MSANTD2: variants seen among roughly 807,000 people sequenced by gnomAD.
MSANTD2 encodes myb/SANT-like DNA-binding domain-containing protein 2.
MSANTD2 carries 19 observed loss-of-function variants against 52.6 expected under a neutral mutation model. The observed-to-expected ratio is 0.36, with a 90% CI of 0.25 to 0.53. MSANTD2 has a LOEUF of 0.53. MSANTD2 is among the 20% of genes least tolerant of loss of function. The pLI is 0.91. For missense variants in MSANTD2, 558 were observed against 716.3 expected, an observed-to-expected ratio of 0.78 and a Z score of 2.52; for synonymous variants, 291 against 289.7, an observed-to-expected ratio of 1.00 and a Z score of -0.04.
intron 1 of MSANTD2, chr11:124,784,578 A>T (rs566225086): frequency 5.1e-6 from 5 of 984,948 alleles, no homozygotes; most frequent in Non-Finnish European, 6.0e-6. Context: ...CATGAGACCA[A>T]TGTTTAAAAG....
chr11:124,799,810 G>T, intron 1 of MSANTD2, 61 bp downstream of exon 1: 1 of 1,328,138 alleles, frequency 7.5e-7, no homozygotes, highest in Non-Finnish European at 1.0e-6. Context: ...CGCCCCCGAG[G>T]CCCGCTTCCC....
rs149045435 is a variant in MSANTD2 at position 124,785,436 on chromosome 11, C to G, written c.511-10462G>C. Reference sequence around the variant, plus strand: ...AGAGACTGAGAAGCAGGGCTGGGCACAGAAAGAAGTTAAAGTAGAGTTGCA... The same window carrying G: ...AGAGACTGAGAAGCAGGGCTGGGCAGAGAAAGAAGTTAAAGTAGAGTTGCA... On this transcript the variant is annotated intron_variant, in intron 1 of 3. Coordinates refer to ENST00000374979, the MANE Select transcript of MSANTD2 (RefSeq NM_001308027.2). Among the ~76,000 whole-genome samples the G allele has an allele frequency of 1.9e-3, 287 of 152,288 alleles. 2 individuals carry two copies. Among genetic ancestry groups the G allele is most frequent in the African/African-American group, 6.5e-3 (271 of 41,554 alleles).
At chr11:124,770,677 C>T (rs1198195372) in intron 3 of MSANTD2, among the ~76,000 whole-genome samples, 1 of 152,086 alleles carries the variant, frequency 6.6e-6, no homozygotes, top group Non-Finnish European at 1.5e-5. Context: ...ACCATCTCGG[C>T]TCACTGCAAC....
rs141855633 is a variant in MSANTD2, at chr11:124,767,425, G to A, written c.1431C>T (p.Leu477=). The A allele has an allele frequency of 1.7e-5, 28 of 1,614,036 alleles. No individual in the cohort carries two copies. The highest frequency in any genetic ancestry group is 1.5e-4 in the African/African-American group (11 of 74,922). Residue 477 remains leucine, a synonymous_variant, in exon 4 of 4, where the codon CTC becomes CTT. Transcript: ENST00000374979. The surrounding 1 kb of genome is among the most constrained non-coding windows in gnomAD (Gnocchi z 6.5). ...GTAGAGTCCTGACCTCAGCAATCCC[G>A]AGGTAGCAATAGATAATTCGGGTGG... ...IEPTRIIYCY[L]GIAEVRTLQQ... is the part of the protein sequence containing the mutation.
At chr11:124,795,847 T>C (rs1945476322) in intron 1 of MSANTD2, among the ~76,000 whole-genome samples, 1 of 152,130 alleles carries the variant, frequency 6.6e-6, no homozygotes, top group Admixed American at 6.5e-5. Context: ...CTACCTAGAT[T>C]TGTGTATCTG....
intron 1 of MSANTD2, among the ~76,000 whole-genome samples, chr11:124,781,070 C>T (rs1944946785): frequency 6.6e-6 from 1 of 151,862 alleles, no homozygotes; most frequent in Admixed American, 6.6e-5. Flanking sequence ...GTAGTCCCAG[C>T]TACTCGGGAA....
At chr11:124,791,684 C>A in intron 1 of MSANTD2, 6 of 1,226,310 alleles carry the variant, frequency 4.9e-6, no homozygotes, top group Admixed American at 1.8e-5. Context: ...TGGAGACAGG[C>A]AAGGCTGTGG....
At chr11:124,776,419 TC>T (rs1399606413) in intron 1 of MSANTD2, among the ~76,000 whole-genome samples, 2 of 152,208 alleles carry the variant, frequency 1.3e-5, no homozygotes, top group Non-Finnish European at 2.9e-5. Context: ...TGCCTCAGCC[TC>T]CCAAGTAGCT....
chr11:124,784,043 A>T, intron 1 of MSANTD2: 1 of 985,374 alleles, frequency 1.0e-6, no homozygotes, highest in South Asian at 4.7e-5. Flanking sequence ...TACAGGTCAA[A>T]AAAGTAGGGT....
Position 124,800,374 on chromosome 11 carries a change from C to G in MSANTD2, c.7G>C (p.Ala3Pro). The G allele has an allele frequency of 6.6e-7, 1 of 1,517,802 alleles. No homozygotes were observed. Among genetic ancestry groups the G allele is most frequent in the Non-Finnish European group, 8.8e-7 (1 of 1,132,836 alleles). 94.0% of individuals were successfully genotyped at this position (1,517,802 alleles called of 1,614,324 possible). MA[A>P]PCGSELPANS... ...GCGGGCAGCTCCGAGCCACAGGGCGCAGCCATCTTCCAAGCGGCCGCCGCT... is the reference window on the plus strand; with the variant it reads ...GCGGGCAGCTCCGAGCCACAGGGCGGAGCCATCTTCCAAGCGGCCGCCGCT... The change falls in exon 1 of 4, where the codon GCG (alanine) becomes CCG (proline). Residue 3 changes from alanine (A) to proline (P), a missense_variant. Physicochemically the swap from Ala to Pro is conservative, Grantham distance 27 (BLOSUM62 -1). Around this residue, in one of 2 missense-constraint regions of MSANTD2, gnomAD observed 150 missense variants for 142.7 expected, o/e 1.05. Coordinates refer to ENST00000374979, the MANE Select transcript of MSANTD2 (RefSeq NM_001308027.2). This position sits in a 1 kb window ranked among gnomAD's most constrained non-coding sequence, Gnocchi z 4.3.
intron 1 of MSANTD2, chr11:124,784,505 A>T: frequency 2.0e-6 from 2 of 983,474 alleles, no homozygotes; most frequent in Non-Finnish European, 2.4e-6. Flanking sequence ...CACCTCAAAA[A>T]TCCGCACACA....
intron 1 of MSANTD2, among the ~76,000 whole-genome samples, chr11:124,780,833 T>C (rs932086126): frequency 6.6e-6 from 1 of 152,210 alleles, no homozygotes; most frequent in East Asian, 1.9e-4. Flanking sequence ...TTAATTTCCT[T>C]TAAGAGGTAA....
rs1272179078 is a variant in MSANTD2, at chr11:124,779,362, G to A, written c.511-4388C>T. 6.6e-6 allele frequency among the ~76,000 whole-genome samples: 1 copy of A among 152,164 alleles called. No individual in the cohort carries two copies. The highest frequency in any genetic ancestry group is 2.4e-5 in the African/African-American group (1 of 41,456). On this transcript the variant is annotated intron_variant, in intron 1 of 3. Coordinates refer to ENST00000374979, the MANE Select transcript of MSANTD2 (RefSeq NM_001308027.2). This position sits in a 1 kb window ranked among gnomAD's most constrained non-coding sequence, Gnocchi z 4.6. ...TTAAATTCTTCCCTGGTAGGGCAAA[G>A]TAGAAAACAAACTAAATAAATCATA...
In MSANTD2 at chr11:124,776,698, A is replaced by AG. The variant is rs1944758846; in HGVS notation, c.511-1725dup. 2.0e-5 allele frequency among the ~76,000 whole-genome samples: 3 copies of AG among 152,242 alleles called. No homozygotes were observed. In the South Asian group the frequency reaches 6.2e-4, roughly 31 times the overall value. On this transcript the variant is annotated intron_variant, in intron 1 of 3. Transcript: ENST00000374979. ...GAAGCCAGAAATCTAGATGGGTAAA[A>AG]GGAATAATAAAAGCACGACATGTGT... is the stretch of plus-strand genomic sequence containing the variant.
intron 1 of MSANTD2, chr11:124,775,868 G>T (rs1944722396): frequency 6.6e-6 from 1 of 152,130 alleles, no homozygotes; most frequent in South Asian, 2.1e-4. Context: ...TTTTACCATG[G>T]TCTTTATTTC....
At chr11:124,784,597 T>G (rs556827603) in intron 1 of MSANTD2, 49 of 985,336 alleles carry the variant, frequency 5.0e-5, no homozygotes, top group Admixed American at 3.7e-4. Context: ...AGGGAGACTG[T>G]GCAGAGCAGG....
chr11:124,786,095 C>CTTTTTTT (rs200399771), intron 1 of MSANTD2, among the ~76,000 whole-genome samples: 51 of 114,366 alleles, frequency 4.5e-4, no homozygotes, highest in East Asian at 1.2e-3. Flanking sequence ...ATCATTTCTT[C>CTTTTTTT]TTTTTTTTTT....
rs778858064 is a variant in MSANTD2, at chr11:124,800,396, C to T, written c.-16G>A. On this transcript the variant is annotated 5_prime_UTR_variant, in exon 1 of 4. Coordinates refer to ENST00000374979, the MANE Select transcript of MSANTD2 (RefSeq NM_001308027.2). The surrounding 1 kb of genome is among the most constrained non-coding windows in gnomAD (Gnocchi z 4.3). The stretch of plus-strand genomic sequence containing the variant: ...GCGCAGCCATCTTCCAAGCGGCCGC[C>T]GCTGCACCGCCCGGAAGTGACGCGC... 5 of 1,483,224 alleles carry T rather than the reference C, an allele frequency of 3.4e-6. No homozygotes were observed. The highest frequency in any genetic ancestry group is 4.5e-6 in the Non-Finnish European group (5 of 1,114,782). 91.9% of individuals were successfully genotyped at this position (1,483,224 alleles called of 1,614,324 possible). A position where few individuals can be genotyped will look rare whatever the true frequency, so the allele number is the denominator to read the frequency against.
rs1944650866 is a variant in MSANTD2, at chr11:124,774,191, TA to T, written c.766+527del. Among the ~76,000 whole-genome samples the T allele has an allele frequency of 6.6e-6, 1 of 152,226 alleles. No homozygotes were observed. The highest frequency in any genetic ancestry group is 2.4e-5 in the African/African-American group (1 of 41,474). ...GTTCAAATAACAGCTCTATTCAAGA[TA>T]AATGGAGGCTTCCCCTCATTTTGTG... On this transcript the variant is annotated intron_variant, in intron 2 of 3. Coordinates refer to ENST00000374979, the MANE Select transcript of MSANTD2 (RefSeq NM_001308027.2). The surrounding 1 kb of genome is among the most constrained non-coding windows in gnomAD (Gnocchi z 5.1).
Sources: allele counts gnomAD v4.1 joint callset (sites outside exome capture counted in the v4.1 genomes callset), GRCh38; gene constraint gnomAD v4.1.1; regional missense constraint gnomAD v4.1.1; non-coding constraint Gnocchi (gnomAD v3.1); transcripts MANE v1.5; gene names NCBI Gene and HGNC (gene_info 2026-07-23, HGNC 2026-07-21).